The following DOC2B variants were observed in gnomAD, a reference collection of about 807,000 sequenced individuals.
DOC2B encodes the protein double C2-like domain-containing protein beta.
A neutral mutation model predicts 28.9 loss-of-function variants in DOC2B; 21 were observed. The ratio of observed to expected loss-of-function variants is 0.73; its 90% confidence interval spans 0.52 to 1.05. DOC2B has a LOEUF of 1.05. DOC2B is among the 50% of genes least tolerant of loss of function. The pLI is 0.00. For synonymous variants in DOC2B, 194 were observed against 178.1 expected (o/e 1.09, Z -0.71); for missense variants, 384 against 421.1 (o/e 0.91, Z 0.77).
chr17:177,866 G>A (rs928121791), intron 1 of DOC2B, among the ~76,000 whole-genome samples: 1 of 152,286 alleles, frequency 6.6e-6, no homozygotes, highest in Admixed American at 6.5e-5. Flanking sequence ...CTTTGTGGTG[G>A]ACTCAACCCC....
chr17:164,173 G>A lies in DOC2B; in HGVS notation c.485C>T (p.Ala162Val). Residue 162 changes from alanine (A) to valine (V), a missense_variant, in exon 3 of 9, where the codon GCA (alanine) becomes GTA (valine). Coordinates refer to ENST00000613549, the MANE Select transcript of DOC2B (RefSeq NM_003585.5). ...CAGGTGCAGCTTGACGTAGGGGTCTGCCAGCCCATTGTGGTCCATTGGCTT... is the reference window on the plus strand; with the variant it reads ...CAGGTGCAGCTTGACGTAGGGGTCTACCAGCCCATTGTGGTCCATTGGCTT... ...GLKPMDHNGL[A>V]DPYVKLHLLP... 1 of 1,554,230 alleles carries A rather than the reference G, an allele frequency of 6.4e-7. No individual in the cohort carries two copies. The highest frequency in any genetic ancestry group is 8.7e-7 in the Non-Finnish European group (1 of 1,148,230).
At chr17:164,251 G>A (rs981267889) in intron 2 of DOC2B, 47 bp from the exon 3 acceptor site, 9 of 1,419,548 alleles carry the variant, frequency 6.3e-6, no homozygotes, top group Middle Eastern at 1.7e-4. Context: ...CGGGGACATG[G>A]AACTGACAGG....
At position 145,363 on chromosome 17, in the gene DOC2B, C is replaced by T. The variant is rs899631439; in HGVS notation, c.*2078G>A. The stretch of plus-strand genomic sequence containing the variant: ...ACCTGGGTTTGAGTCCTGGTTCACC[C>T]CTTCCTGGCTGTGTGGCCTTGGCAA... On this transcript the variant is annotated 3_prime_UTR_variant, in exon 9 of 9. Transcript: ENST00000613549. The T allele has an allele frequency of 6.6e-6, 1 of 152,226 alleles. No individual in the cohort carries two copies. The highest frequency in any genetic ancestry group is 1.5e-5 in the Non-Finnish European group (1 of 68,120). The allele number at this position is 152,226 out of a possible 1,614,324, so 9.4% of individuals were successfully genotyped here. A position where few individuals can be genotyped will look rare whatever the true frequency, so the allele number is the denominator to read the frequency against.
At chr17:166,549 G>A (rs1039831463) in intron 2 of DOC2B, among the ~76,000 whole-genome samples, 1 of 152,260 alleles carries the variant, frequency 6.6e-6, no homozygotes, top group African/African-American at 2.4e-5. Flanking sequence ...TACAGGTTGT[G>A]GGAAGGACCC....
At chr17:154,783 G>A (rs1047895135) in intron 6 of DOC2B, among the ~76,000 whole-genome samples, 3 of 152,174 alleles carry the variant, frequency 2.0e-5, no homozygotes, top group South Asian at 2.1e-4. Flanking sequence ...TGGCTGGAGT[G>A]CAGTGGTGTG....
At position 159,041 on chromosome 17, in the gene DOC2B, T is replaced by TAAA. The variant is rs112706180; in HGVS notation, c.765+2371_765+2373dup. 4.1e-3 allele frequency among the ~76,000 whole-genome samples: 577 copies of TAAA among 139,680 alleles called. 7 individuals are homozygous for TAAA. The highest frequency in any genetic ancestry group is 0.011 in the African/African-American group (419 of 37,642). The allele number at this position is 139,680 out of a possible 152,430, so 91.6% of individuals were successfully genotyped here. The stretch of plus-strand genomic sequence containing the variant: ...CCTGGGCGACATAGACTCCATCTCA[T>TAAA]AAAAAAAAAAAAAAAACAACCAACC... On this transcript the variant is annotated intron_variant, in intron 5 of 8. Transcript: ENST00000613549.
At chr17:176,068 C>G (rs1355771368) in intron 1 of DOC2B, among the ~76,000 whole-genome samples, 4 of 152,182 alleles carry the variant, frequency 2.6e-5, no homozygotes, top group Non-Finnish European at 5.9e-5. Context: ...CTTCATTTCC[C>G]TTTAGAGAAA....
intron 2 of DOC2B, 120 bp from the exon 3 acceptor site, chr17:164,324 A>G (rs2040238059): frequency 1.3e-6 from 1 of 748,376 alleles, no homozygotes; most frequent in Admixed American, 2.3e-5. Context: ...CCTTTCACAG[A>G]AGCCCCCGGG....
intron 6 of DOC2B, 156 bp downstream of exon 6, chr17:156,064 C>G: frequency 1.3e-6 from 1 of 789,466 alleles, no homozygotes; most frequent in Non-Finnish European, 1.9e-6. Context: ...CATGCTTAAC[C>G]CCTGGAGTTG....
At chr17:175,798 G>C (rs560775024) in intron 1 of DOC2B, among the ~76,000 whole-genome samples, 1 of 152,352 alleles carries the variant, frequency 6.6e-6, no homozygotes, top group African/African-American at 2.4e-5. Context: ...CTCCTGGAGG[G>C]GAGAAGCCCC....
rs929843820 is a variant in DOC2B at position 149,210 on chromosome 17, G to A, written c.924-18C>T. The stretch of plus-strand genomic sequence containing the variant: ...TCAGGTATCTGGAATTACATCCAAC[G>A]GACAGGCAGAGGATGGGGACATGCT... On this transcript the variant is annotated intron_variant, in intron 6 of 8. Coordinates refer to ENST00000613549, the MANE Select transcript of DOC2B (RefSeq NM_003585.5). The A allele has an allele frequency of 3.4e-4, 135 of 399,688 alleles. No homozygotes were observed. Among genetic ancestry groups the A allele is most frequent in the Non-Finnish European group, 5.1e-4 (115 of 226,234 alleles). 24.8% of individuals were successfully genotyped at this position (399,688 alleles called of 1,614,324 possible). A position where few individuals can be genotyped will look rare whatever the true frequency, so the allele number is the denominator to read the frequency against.
intron 2 of DOC2B, 99 bp downstream of exon 2, chr17:172,437 TG>T: frequency 1.0e-6 from 1 of 976,138 alleles, no homozygotes; most frequent in Non-Finnish European, 1.5e-6. Flanking sequence ...TCCAAAAGCC[TG>T]GACAGGAACC....
chr17:164,075 G>A, intron 3 of DOC2B, 55 bp downstream of exon 3: 1 of 1,393,504 alleles, frequency 7.2e-7, no homozygotes, highest in Non-Finnish European at 1.0e-6. Flanking sequence ...AGAGTGCATT[G>A]CCTGAGGTGG....
intron 2 of DOC2B, among the ~76,000 whole-genome samples, chr17:164,806 G>A (rs1555523700): frequency 6.6e-6 from 1 of 152,216 alleles, no homozygotes; most frequent in East Asian, 1.9e-4. Flanking sequence ...TGGACAGAGA[G>A]GGGCTTTGCT....
chr17:177,073 A>C (rs1474813796), intron 1 of DOC2B, among the ~76,000 whole-genome samples: 1 of 56,204 alleles, frequency 1.8e-5, no homozygotes, highest in African/African-American at 5.3e-5. Context: ...GCTCTCAAAT[A>C]CTTTAAAAAA....
At chr17:180,452 G>C (rs1295691655) in intron 1 of DOC2B, among the ~76,000 whole-genome samples, 2 of 152,140 alleles carry the variant, frequency 1.3e-5, no homozygotes, top group Non-Finnish European at 2.9e-5. Flanking sequence ...GTGGGCGAAG[G>C]TGCGCGGCCC....
Position 181,155 on chromosome 17 carries a change from G to T in DOC2B, c.325C>A (p.Pro109Thr). The T allele has an allele frequency of 8.0e-7, 1 of 1,253,364 alleles. No individual in the cohort carries two copies. 77.6% of individuals were successfully genotyped at this position (1,253,364 alleles called of 1,614,324 possible). A position where few individuals can be genotyped will look rare whatever the true frequency, so the allele number is the denominator to read the frequency against. ...GPSPARPPAK[P>T]PEDEPDADGY... The stretch of plus-strand genomic sequence containing the variant: ...TCGGCGTCCGGCTCGTCCTCCGGCG[G>T]CTTGGCTGGCGGCCGCGCGGGGCTG... Residue 109 changes from proline (P) to threonine (T), a missense_variant, in exon 1 of 9, where the codon CCG becomes ACG. Transcript: ENST00000613549. This position sits in a 1 kb window ranked among gnomAD's most constrained non-coding sequence, Gnocchi z 7.0.
In DOC2B at chr17:169,450, G is replaced by A. The variant is rs534960202; in HGVS notation, c.453+3087C>T. Among the ~76,000 whole-genome samples, 67 of 151,948 alleles carry A rather than the reference G, an allele frequency of 4.4e-4. 1 individual carries two copies. Among genetic ancestry groups the A allele is most frequent in the African/African-American group, 1.6e-3 (65 of 41,424 alleles). On this transcript the variant is annotated intron_variant, in intron 2 of 8. Transcript: ENST00000613549. ...GTTTCACAGCAGTGTGAAGGTAGAA[G>A]GTACTTAGCACAACTGAACTGTACG...
intron 6 of DOC2B, among the ~76,000 whole-genome samples, chr17:154,058 G>A (rs1223977581): frequency 6.6e-6 from 1 of 152,150 alleles, no homozygotes; most frequent in East Asian, 1.9e-4. Context: ...TCTGTGTCTG[G>A]CTTCTCTCGC....
Sources: allele counts gnomAD v4.1 joint callset (sites outside exome capture counted in the v4.1 genomes callset), GRCh38; gene constraint gnomAD v4.1.1; non-coding constraint Gnocchi (gnomAD v3.1); transcripts MANE v1.5; gene names NCBI Gene and HGNC (gene_info 2026-07-23, HGNC 2026-07-21).